Variants in POLE4 observed in about 807,000 individuals in gnomAD.
POLE4 encodes DNA polymerase epsilon 4, accessory subunit, also known as DNA polymerase epsilon subunit 4.
Under a neutral mutation model 15.6 loss-of-function variants are expected in POLE4, and 15 were observed. The observed-to-expected ratio is 0.96, with a 90% confidence interval of 0.64 to 1.48. The LOEUF (loss-of-function observed/expected upper bound fraction) is 1.48, where lower values mean the gene tolerates loss of function less well. Ranked by LOEUF, POLE4 falls within the 40% of genes most tolerant of loss-of-function variation. The pLI is 0.00. For synonymous variants in POLE4, 83 were observed against 63.2 expected (o/e 1.31, Z -1.49); for missense variants, 205 against 151.9 (o/e 1.35, Z -1.84).
intron 2 of POLE4, chr2:74,959,810 T>C (rs1671190000): frequency 2.1e-6 from 1 of 466,308 alleles, no homozygotes; most frequent in South Asian, 4.0e-5. Context: ...GCCACGTTCT[T>C]CTCTGACAAC....
At chr2:74,960,028 A>G in intron 2 of POLE4, 77 bp from the exon 3 acceptor site, 5 of 1,230,892 alleles carry the variant, frequency 4.1e-6, no homozygotes, top group Non-Finnish European at 6.0e-6. Flanking sequence ...CATGCCCTTC[A>G]CTGCAGATTG....
chr2:74,964,180 C>G (rs1446941653), intron 3 of POLE4, among the ~76,000 whole-genome samples: 2 of 152,190 alleles, frequency 1.3e-5, no homozygotes, highest in Non-Finnish European at 2.9e-5. Flanking sequence ...CTGTTCTCTT[C>G]CATTGATCTA....
rs960803478 is a variant in POLE4, at chr2:74,958,685, G to A, written c.6G>A (p.Ala2=). The A allele has an allele frequency of 8.9e-6, 13 of 1,461,530 alleles. No individual in the cohort carries two copies. In the Admixed American group the frequency reaches 3.6e-4, roughly 40 times the overall value. The allele number at this position is 1,461,530 out of a possible 1,614,324, so 90.5% of individuals were successfully genotyped here. The change falls in exon 1 of 4, where the codon GCG becomes GCA. Residue 2 remains alanine, a synonymous_variant. Coordinates refer to ENST00000483063, the MANE Select transcript of POLE4 (RefSeq NM_019896.4). M[A]AAAAAGSGTP... is the part of the protein sequence containing the mutation. ...GCAGCACGCTCAAGGCCGGGATGGC[G>A]GCGGCGGCGGCGGCAGGAAGCGGGA...
intron 3 of POLE4, among the ~76,000 whole-genome samples, chr2:74,965,404 TTTATC>T (rs567379325): frequency 6.6e-6 from 1 of 152,334 alleles, no homozygotes; most frequent in East Asian, 1.9e-4. Context: ...TGGCCCACTT[TTTATC>T]TTATCTATTC....
chr2:74,963,117 G>A (rs145876681), intron 3 of POLE4, among the ~76,000 whole-genome samples: 2 of 152,300 alleles, frequency 1.3e-5, no homozygotes, highest in East Asian at 3.9e-4. Context: ...TTTCTCTAGG[G>A]TGGATGTATA....
chr2:74,962,610 A>G (rs13402369), intron 3 of POLE4, among the ~76,000 whole-genome samples: 6 of 151,926 alleles, frequency 3.9e-5, no homozygotes, highest in African/African-American at 7.3e-5. Context: ...TTTCTAAGTC[A>G]TATGAAATAC....
Position 74,958,859 on chromosome 2 carries a change from ACAGGAAGCCATCTTCATTCTGG to A in POLE4, c.183_204del (p.Gln61HisfsTer36). ...CAGATCCCGACGTGACGCTAGCGGG[ACAGGAAGCCATCTTCATTCTGG>A]CACGAGCCGCGGTGCGCCTGCAGCG... On this transcript the variant is annotated frameshift_variant, in exon 1 of 4. Coordinates refer to ENST00000483063, the MANE Select transcript of POLE4 (RefSeq NM_019896.4). LOFTEE classifies it high-confidence loss of function. 1 of 1,561,172 alleles carries A rather than the reference ACAGGAAGCCATCTTCATTCTGG, an allele frequency of 6.4e-7. No homozygotes were observed. Among genetic ancestry groups the A allele is most frequent in the East Asian group, 2.4e-5 (1 of 41,464 alleles).
In POLE4 at chr2:74,969,530, C is replaced by A; in HGVS notation, c.*108C>A. 1.0e-6 allele frequency: 1 copy of A among 959,252 alleles called. No homozygotes were observed. Among genetic ancestry groups the A allele is most frequent in the East Asian group, 2.4e-5 (1 of 41,936 alleles). The allele number at this position is 959,252 out of a possible 1,614,324, so 59.4% of individuals were successfully genotyped here. A position where few individuals can be genotyped will look rare whatever the true frequency, so the allele number is the denominator to read the frequency against. ...AGTCTTTGCACTTACACACACTCTTCCTGTTCTGCCTTCACCTATGCCGGG... is the reference window on the plus strand; with the variant it reads ...AGTCTTTGCACTTACACACACTCTTACTGTTCTGCCTTCACCTATGCCGGG... On this transcript the variant is annotated 3_prime_UTR_variant, in exon 4 of 4. Coordinates refer to ENST00000483063, the MANE Select transcript of POLE4 (RefSeq NM_019896.4).
At chr2:74,959,876 C>T (rs994998379) in intron 2 of POLE4, 6 of 522,026 alleles carry the variant, frequency 1.1e-5, no homozygotes, top group South Asian at 3.2e-5. Flanking sequence ...CCCCAACCCC[C>T]GCGTTGAATG....
intron 3 of POLE4, among the ~76,000 whole-genome samples, chr2:74,968,694 G>A (rs1371099350): frequency 6.6e-6 from 1 of 151,158 alleles, no homozygotes; most frequent in African/African-American, 2.4e-5. Flanking sequence ...GGGGAGGGTT[G>A]TGGGGAGATA....
Position 74,958,988 on chromosome 2 carries a change from CCCGGGTTTTGAGATGTGGGCGTGGA to C in POLE4, c.213+99_213+123del, listed in dbSNP as rs1671170977. ...GCGGGCGGGGCTTAGGGCGGCGTGG[CCCGGGTTTTGAGATGTGGGCGTGGA>C]CCCGGAAGGCGGAGGAAAGGGGCCG... On this transcript the variant is annotated intron_variant, in intron 1 of 3. Transcript: ENST00000483063. 8 of 1,211,884 alleles carry C rather than the reference CCCGGGTTTTGAGATGTGGGCGTGGA, an allele frequency of 6.6e-6. No individual in the cohort carries two copies. In the African/African-American group the frequency reaches 7.7e-5, roughly 12 times the overall value. 75.1% of individuals were successfully genotyped at this position (1,211,884 alleles called of 1,614,324 possible). A position where few individuals can be genotyped will look rare whatever the true frequency, so the allele number is the denominator to read the frequency against.
chr2:74,961,198 C>T (rs990336754), intron 3 of POLE4: 1 of 152,186 alleles, frequency 6.6e-6, no homozygotes. Flanking sequence ...TCCTTCAAGC[C>T]TTATTACCTT....
chr2:74,969,515 C>A lies in POLE4; in HGVS notation c.*93C>A. ...AGCTTTGAAGAACGGAGTCTTTGCA[C>A]TTACACACACTCTTCCTGTTCTGCC... On this transcript the variant is annotated 3_prime_UTR_variant, in exon 4 of 4. Coordinates refer to ENST00000483063, the MANE Select transcript of POLE4 (RefSeq NM_019896.4). 1 of 1,064,114 alleles carries A rather than the reference C, an allele frequency of 9.4e-7. No homozygotes were observed. The highest frequency in any genetic ancestry group is 1.5e-6 in the Non-Finnish European group (1 of 677,756). 65.9% of individuals were successfully genotyped at this position (1,064,114 alleles called of 1,614,324 possible). A position where few individuals can be genotyped will look rare whatever the true frequency, so the allele number is the denominator to read the frequency against.
intron 3 of POLE4, among the ~76,000 whole-genome samples, chr2:74,966,995 T>G (rs1321396782): frequency 6.6e-6 from 1 of 152,208 alleles, no homozygotes; most frequent in South Asian, 2.1e-4. Context: ...ATCCTTTTTG[T>G]TTTTTGTCTG....
In POLE4 at chr2:74,958,924, G is replaced by T. The variant is rs747767705; in HGVS notation, c.213+32G>T. ...CTGCAGCGCGAGGGCATGCGGGAGT[G>T]GGGGAGGTGGAGTGTGGGGCGGGGC... On this transcript the variant is annotated intron_variant, in intron 1 of 3. Transcript: ENST00000483063. 3.9e-5 allele frequency: 60 copies of T among 1,539,998 alleles called. No individual in the cohort carries two copies. In the Middle Eastern group the frequency reaches 6.7e-4, roughly 17 times the overall value.
chr2:74,959,027 G>A (rs1671172137), intron 1 of POLE4, 135 bp downstream of exon 1: 1 of 783,588 alleles, frequency 1.3e-6, no homozygotes, highest in East Asian at 2.7e-5. Context: ...GGAAGGCGGA[G>A]GAAAGGGGCC....
At chr2:74,969,035 T>TC (rs1671330871) in intron 3 of POLE4, among the ~76,000 whole-genome samples, 1 of 152,136 alleles carries the variant, frequency 6.6e-6, no homozygotes, top group South Asian at 2.1e-4. Flanking sequence ...GTGGGCCCAG[T>TC]CCCCCATCTG....
intron 3 of POLE4, among the ~76,000 whole-genome samples, chr2:74,962,152 C>T (rs913776385): frequency 6.6e-6 from 1 of 152,160 alleles, no homozygotes; most frequent in Non-Finnish European, 1.5e-5. Context: ...CCCCATAAAT[C>T]CCCTGCTGTC....
chr2:74,960,009 C>A, intron 2 of POLE4, 96 bp from the exon 3 acceptor site: 1 of 1,004,826 alleles, frequency 1.0e-6, no homozygotes, highest in Non-Finnish European at 1.6e-6. Flanking sequence ...CCTCATTTGC[C>A]CAAAGCCTCA....
Sources: allele counts gnomAD v4.1 joint callset (sites outside exome capture counted in the v4.1 genomes callset), GRCh38; gene constraint gnomAD v4.1.1; transcripts MANE v1.5; gene names NCBI Gene and HGNC (gene_info 2026-07-23, HGNC 2026-07-21).